Variants in SPATA13 observed in about 807,000 individuals in gnomAD.
SPATA13 encodes spermatogenesis-associated protein 13.
Under a neutral mutation model 104.0 loss-of-function variants are expected in SPATA13, and 50 were observed. The observed-to-expected ratio is 0.48, with a 90% CI of 0.38 to 0.61. SPATA13 has a LOEUF of 0.61. Ranked by LOEUF, SPATA13 falls within the 20% of genes least tolerant of loss-of-function variation. The pLI, the probability that SPATA13 is intolerant of heterozygous loss-of-function variation, is 0.00. For synonymous variants in SPATA13, 606 were observed against 667.5 expected (o/e 0.91, Z 1.42); for missense variants, 1,524 against 1,690.6 (o/e 0.90, Z 1.73).
intron 3 of SPATA13, among the ~76,000 whole-genome samples, chr13:24,120,866 G>T (rs188139893): frequency 7.0e-4 from 107 of 152,314 alleles, no homozygotes; most frequent in African/African-American, 2.2e-3. Context: ...AAAGTACACT[G>T]AGTTCTATTC....
rs1873377581 is a variant in SPATA13 at position 24,249,787 on chromosome 13, G to A, written c.1964G>A (p.Gly655Glu). 1 of 1,613,666 alleles carries A rather than the reference G, an allele frequency of 6.2e-7. No individual in the cohort carries two copies. The highest frequency in any genetic ancestry group is 1.3e-5 in the African/African-American group (1 of 74,924). ...RRRRPISVIG[G>E]VSLYGTNQTE... Reference sequence around the variant, plus strand: ...AGGCGCCCCATTTCCGTGATAGGTGGGGTCAGCTTGTATGGGACCAACCAG... The same window carrying A: ...AGGCGCCCCATTTCCGTGATAGGTGAGGTCAGCTTGTATGGGACCAACCAG... The change falls in exon 3 of 13, where the codon GGG becomes GAG. Residue 655 changes from glycine to glutamate, a missense_variant. Coordinates refer to ENST00000382108, the MANE Select transcript of SPATA13 (RefSeq NM_001166271.3).
Position 24,081,499 on chromosome 13 carries a change from A to G in SPATA13, c.-112+63798A>G, listed in dbSNP as rs144821555. 5.0e-3 allele frequency among the ~76,000 whole-genome samples: 764 copies of G among 151,948 alleles called. 2 individuals carry two copies. The highest frequency in any genetic ancestry group is 0.025 in the South Asian group (119 of 4,812). On this transcript the variant is annotated intron_variant, in intron 3 of 14. Coordinates refer to the SPATA13 transcript ENST00000424834. ...TCAATAGTATGAGGCTGTAGGTCTC[A>G]TTCTATTTCTTACTAAAAAAAAAAG...
At position 24,059,115 on chromosome 13, in the gene SPATA13, T is replaced by G. The variant is rs772508413; in HGVS notation, c.-112+41414T>G. Among the ~76,000 whole-genome samples the G allele has an allele frequency of 8.9e-4, 135 of 151,676 alleles. 5 individuals carry two copies. Among genetic ancestry groups the G allele is most frequent in the Middle Eastern group, 3.4e-3 (1 of 294 alleles). On this transcript the variant is annotated intron_variant, in intron 3 of 14. Transcript: ENST00000424834. ...GCCTTCCGAGTAGCTGGGACTACAG[T>G]CGCCCACCACCATGTCCTGCTAATT...
In SPATA13 at chr13:24,210,548, A is replaced by C. The variant is rs139314900; in HGVS notation, c.-111-12271A>C. 1.1e-4 allele frequency among the ~76,000 whole-genome samples: 16 copies of C among 152,196 alleles called. No individual in the cohort carries two copies. The East Asian group carries it at 3.1e-3, about 29-fold the overall frequency. On this transcript the variant is annotated intron_variant, in intron 1 of 12. Transcript: ENST00000382108. ...TCCCCATTCTTGGTGCCTTTGTTGA[A>C]GTTAAGTTGACCGTGTATGCATGGG... is the stretch of plus-strand genomic sequence containing the variant.
chr13:24,135,757 GC>G (rs979533175), intron 3 of SPATA13, among the ~76,000 whole-genome samples: 1 of 149,342 alleles, frequency 6.7e-6, no homozygotes, highest in African/African-American at 2.5e-5. Flanking sequence ...CCAACTATAA[GC>G]TTTTTGCTAA....
chr13:24,122,246 G>T, intron 3 of SPATA13: 4 of 1,316,148 alleles, frequency 3.0e-6, no homozygotes, highest in Non-Finnish European at 3.3e-6. Flanking sequence ...GTGAGTCAGA[G>T]CCTGATACCA....
intron 3 of SPATA13, among the ~76,000 whole-genome samples, chr13:24,042,916 CA>C (rs1877986147): frequency 6.6e-6 from 1 of 152,200 alleles, no homozygotes; most frequent in African/African-American, 2.4e-5. Flanking sequence ...TTTAGATTTA[CA>C]GTTGATAGAA....
At chr13:24,184,637 T>C (rs561968720) in intron 1 of SPATA13, among the ~76,000 whole-genome samples, 43 of 152,332 alleles carry the variant, frequency 2.8e-4, no homozygotes, top group African/African-American at 1.0e-3. Context: ...ATGAACTCAC[T>C]AATCACAGTG....
At chr13:24,172,823 G>A (rs1480410078) in intron 1 of SPATA13, among the ~76,000 whole-genome samples, 3 of 152,122 alleles carry the variant, frequency 2.0e-5, no homozygotes, top group African/African-American at 7.2e-5. Flanking sequence ...TTCCCTTTCT[G>A]TATTAATGTT....
At chr13:24,097,768 A>G (rs1458587572) in intron 3 of SPATA13, among the ~76,000 whole-genome samples, 2 of 152,242 alleles carry the variant, frequency 1.3e-5, no homozygotes, top group Admixed American at 6.5e-5. Context: ...AGCCAAAGGT[A>G]TGCACCGGAA....
At chr13:24,075,056 A>C (rs1468548399) in intron 3 of SPATA13, among the ~76,000 whole-genome samples, 3 of 152,210 alleles carry the variant, frequency 2.0e-5, no homozygotes, top group East Asian at 3.8e-4. Context: ...CAAGGTTAGA[A>C]TATGTGAGGA....
intron 3 of SPATA13, among the ~76,000 whole-genome samples, chr13:24,114,811 C>T (rs1252296408): frequency 6.6e-6 from 1 of 152,134 alleles, no homozygotes. Flanking sequence ...TACAAGCATG[C>T]ACCACCACGC....
At chr13:24,270,707 C>G (rs956594518) in intron 4 of SPATA13, 2 of 1,499,052 alleles carry the variant, frequency 1.3e-6, no homozygotes, top group Admixed American at 2.1e-5. Flanking sequence ...CAGGCTCTGG[C>G]CGGGAACGCA....
At chr13:24,007,448 G>A (rs1876283214) in intron 2 of SPATA13, among the ~76,000 whole-genome samples, 1 of 152,176 alleles carries the variant, frequency 6.6e-6, no homozygotes, top group South Asian at 2.1e-4. Flanking sequence ...AAGTTGCAAG[G>A]CTTGGGGCTT....
intron 3 of SPATA13, among the ~76,000 whole-genome samples, chr13:24,038,770 A>C (rs895011585): frequency 1.3e-5 from 2 of 152,288 alleles, no homozygotes; most frequent in Admixed American, 1.3e-4. Context: ...CTCTGATCTA[A>C]TTCACAGCTC....
At chr13:24,281,202 G>A (rs949460534) in intron 4 of SPATA13, among the ~76,000 whole-genome samples, 1 of 152,216 alleles carries the variant, frequency 6.6e-6, no homozygotes, top group Non-Finnish European at 1.5e-5. Context: ...GCTTTCTTCT[G>A]CCTCTTGGCT....
At chr13:24,124,992 G>A (rs527322182) in intron 3 of SPATA13, among the ~76,000 whole-genome samples, 10 of 152,344 alleles carry the variant, frequency 6.6e-5, no homozygotes, top group East Asian at 5.8e-4. Context: ...GGGTCAGAGC[G>A]GGTGGTGGCA....
intron 3 of SPATA13, among the ~76,000 whole-genome samples, chr13:24,125,028 G>A (rs1328029987): frequency 6.6e-6 from 1 of 152,172 alleles, no homozygotes; most frequent in Non-Finnish European, 1.5e-5. Flanking sequence ...AGAATGTCAG[G>A]CAAGGCAGGG....
chr13:24,249,357 A>C, intron 2 of SPATA13, 120 bp from the exon 3 acceptor site: 36 of 1,260,008 alleles, frequency 2.9e-5, no homozygotes, highest in South Asian at 9.8e-5. Context: ...CTGTTTTAAT[A>C]AACAAGTAAA....
Sources: gnomAD v4.1 joint callset for allele counts (sites outside exome capture counted in the v4.1 genomes callset) on GRCh38, gnomAD v4.1.1 for gene constraint, MANE v1.5 for transcripts, NCBI Gene and HGNC (gene_info 2026-07-23, HGNC 2026-07-21) for gene names.